The following PEAK1 variants were observed in gnomAD, a reference collection of about 807,000 sequenced individuals.
PEAK1 encodes pseudopodium enriched atypical kinase 1.
A neutral mutation model predicts 124.7 loss-of-function variants in PEAK1; 54 were observed. The ratio of observed to expected loss-of-function variants is 0.43; its 90% confidence interval spans 0.35 to 0.54. The LOEUF is 0.54. Ranked by LOEUF, PEAK1 falls within the 20% of genes least tolerant of loss-of-function variation. The probability of loss-of-function intolerance (pLI) is 0.01; values close to 1 mark genes in which losing one functional copy is unlikely to be tolerated. For synonymous variants in PEAK1, 719 were observed against 760.0 expected, an observed-to-expected ratio of 0.95 and a Z score of 0.89; for missense variants, 2,046 against 2,134.5, an observed-to-expected ratio of 0.96 and a Z score of 0.82.
intron 1 of PEAK1, among the ~76,000 whole-genome samples, chr15:77,382,516 T>C (rs941563289): frequency 4.6e-5 from 7 of 152,154 alleles, no homozygotes; most frequent in African/African-American, 1.4e-4. Flanking sequence ...GGCCCTTCAA[T>C]ACACCCCTCT....
At chr15:77,241,753 C>T (rs2060367811) in intron 6 of PEAK1, among the ~76,000 whole-genome samples, 1 of 151,464 alleles carries the variant, frequency 6.6e-6, no homozygotes, top group South Asian at 2.1e-4. Flanking sequence ...TAAATAAATC[C>T]TTGGGTATAA....
At chr15:77,286,236 A>C (rs2062924762) in intron 3 of PEAK1, among the ~76,000 whole-genome samples, 187 bp downstream of exon 3, 1 of 152,102 alleles carries the variant, frequency 6.6e-6, no homozygotes, top group South Asian at 2.1e-4. Flanking sequence ...GACTGTTATG[A>C]TTTCTGTTCT....
At chr15:77,276,847 A>T (rs1348689465) in intron 5 of PEAK1, among the ~76,000 whole-genome samples, 1 of 152,190 alleles carries the variant, frequency 6.6e-6, no homozygotes, top group Non-Finnish European at 1.5e-5. Context: ...ACACATATAC[A>T]TATATTAGAA....
intron 8 of PEAK1, among the ~76,000 whole-genome samples, chr15:77,154,954 A>G (rs973100728): frequency 2.6e-5 from 4 of 151,988 alleles, no homozygotes; most frequent in African/African-American, 9.7e-5. Flanking sequence ...GAATCTGACA[A>G]TTATGTGTCT....
rs75080181 is a variant in PEAK1, at chr15:77,387,897, A to T, written c.-665-22672T>A. On this transcript the variant is annotated intron_variant, in intron 1 of 9. Transcript: ENST00000682557. Reference sequence around the variant, plus strand: ...ACTTCAGCATTTTGGTATCTGGCCAACTATGTGGATGGCAGCCTTCTTGAC... The same window carrying T: ...ACTTCAGCATTTTGGTATCTGGCCATCTATGTGGATGGCAGCCTTCTTGAC... Among the ~76,000 whole-genome samples the T allele has an allele frequency of 7.3e-3, 1,107 of 152,328 alleles. 15 individuals carry two copies. Among genetic ancestry groups the T allele is most frequent in the African/African-American group, 0.025 (1,051 of 41,576 alleles).
rs529783720 is a variant in PEAK1, at chr15:77,266,581, T to C, written c.-274-14055A>G. On this transcript the variant is annotated intron_variant, in intron 5 of 9. Transcript: ENST00000682557. The stretch of plus-strand genomic sequence containing the variant: ...AATGTCCAAAATGTCTAGGTTTTGA[T>C]TGAAAACCATTTGCCATATCAAGAA... Among the ~76,000 whole-genome samples, 26 of 152,298 alleles carry C rather than the reference T, an allele frequency of 1.7e-4. 1 individual carries two copies. Among genetic ancestry groups the C allele is most frequent in the Admixed American group, 1.2e-3 (19 of 15,294 alleles).
At chr15:77,352,413 C>T (rs1454389914) in intron 2 of PEAK1, 1 of 985,158 alleles carries the variant, frequency 1.0e-6, no homozygotes, top group Non-Finnish European at 1.2e-6. Flanking sequence ...AAGACAGGTC[C>T]TCATTCAGAT....
intron 6 of PEAK1, among the ~76,000 whole-genome samples, chr15:77,184,478 A>C (rs2057437582): frequency 6.6e-6 from 1 of 152,242 alleles, no homozygotes; most frequent in African/African-American, 2.4e-5. Flanking sequence ...TATTTACCCA[A>C]GATAAATAAA....
chr15:77,139,607 C>T (rs989761049), intron 8 of PEAK1, among the ~76,000 whole-genome samples: 5 of 151,984 alleles, frequency 3.3e-5, no homozygotes, highest in African/African-American at 9.7e-5. Context: ...CATTGTTGAC[C>T]AAAACATCAT....
intron 1 of PEAK1, chr15:77,404,204 A>C (rs959038099): frequency 1.0e-5 from 10 of 985,328 alleles, no homozygotes; most frequent in African/African-American, 1.7e-5. Context: ...CTTGTGAGAC[A>C]CCAAAGTGAG....
intron 8 of PEAK1, among the ~76,000 whole-genome samples, chr15:77,145,448 C>CAAA (rs199518110): frequency 7.3e-6 from 1 of 137,682 alleles, no homozygotes. Context: ...GATTCCATCT[C>CAAA]AAAAAAAAAA....
In PEAK1 at chr15:77,352,600, T is replaced by A. The variant is rs1045178887; in HGVS notation, c.-603+12563A>T. The A allele has an allele frequency of 9.5e-6, 9 of 949,810 alleles. No homozygotes were observed. The African/African-American group carries it at 1.6e-4, about 17-fold the overall frequency. 58.8% of individuals were successfully genotyped at this position (949,810 alleles called of 1,614,324 possible). ...TATATATAAAACTACAAATTGAGAA[T>A]TAGCAACTTCATACCATACTCATGA... On this transcript the variant is annotated intron_variant, in intron 2 of 9. Transcript: ENST00000682557.
chr15:77,252,631 T>C, intron 5 of PEAK1, 105 bp from the exon 6 acceptor site: 4 of 614,168 alleles, frequency 6.5e-6, no homozygotes, highest in Non-Finnish European at 8.1e-6. Context: ...TCAACAGTTA[T>C]AATTCATCTA....
intron 6 of PEAK1, among the ~76,000 whole-genome samples, chr15:77,230,500 G>C (rs539246850): frequency 5.5e-4 from 84 of 152,204 alleles, no homozygotes; most frequent in African/African-American, 1.9e-3. Context: ...TGCCCAGCCT[G>C]AGGGGAGTCT....
chr15:77,116,370 G>A (rs1218906297), intron 9 of PEAK1, among the ~76,000 whole-genome samples: 1 of 152,030 alleles, frequency 6.6e-6, no homozygotes, highest in Non-Finnish European at 1.5e-5. Flanking sequence ...AAATATCAAA[G>A]GCTCCCAGGA....
At chr15:77,350,458 GTA>G in intron 2 of PEAK1, 3 of 985,132 alleles carry the variant, frequency 3.0e-6, no homozygotes, top group Non-Finnish European at 3.6e-6. Flanking sequence ...TTAAGATAGT[GTA>G]TATATCTTAA....
At chr15:77,162,830 A>G (rs951863310) in intron 7 of PEAK1, among the ~76,000 whole-genome samples, 1 of 152,204 alleles carries the variant, frequency 6.6e-6, no homozygotes, top group Non-Finnish European at 1.5e-5. Context: ...AATTATTTAG[A>G]GTGAAAATTA....
At chr15:77,216,174 A>T (rs1268664604) in intron 6 of PEAK1, among the ~76,000 whole-genome samples, 1 of 152,224 alleles carries the variant, frequency 6.6e-6, no homozygotes, top group Non-Finnish European at 1.5e-5. Context: ...TGATCAATGA[A>T]ACAGTACACT....
At chr15:77,228,434 T>C (rs1674481277) in intron 6 of PEAK1, among the ~76,000 whole-genome samples, 2 of 152,176 alleles carry the variant, frequency 1.3e-5, no homozygotes, top group South Asian at 2.1e-4. Flanking sequence ...TGTGCAGAGC[T>C]TCTGATGCAG....
Sources: gnomAD v4.1 joint callset for allele counts (sites outside exome capture counted in the v4.1 genomes callset) on GRCh38, gnomAD v4.1.1 for gene constraint, MANE v1.5 for transcripts, NCBI Gene and HGNC (gene_info 2026-07-23, HGNC 2026-07-21) for gene names.